The following ABLIM3 variants were observed in gnomAD, a reference collection of about 807,000 sequenced individuals.
ABLIM3 encodes actin-binding LIM protein 3.
A neutral mutation model predicts 109.5 loss-of-function variants in ABLIM3; 61 were observed. The ratio of observed to expected loss-of-function variants is 0.56; its 90% CI spans 0.45 to 0.69. ABLIM3 has a LOEUF of 0.69. Ranked by LOEUF, ABLIM3 falls within the 30% of genes least tolerant of loss-of-function variation. The probability of loss-of-function intolerance (pLI) is 0.00; values close to 1 mark genes in which losing one functional copy is unlikely to be tolerated. For missense variants in ABLIM3, 796 were observed against 889.5 expected, an observed-to-expected ratio of 0.89 and a Z score of 1.34; for synonymous variants, 300 against 324.8, an observed-to-expected ratio of 0.92 and a Z score of 0.82.
At chr5:149,233,097 A>C (rs1453986061) in intron 9 of ABLIM3, 132 bp from the exon 10 acceptor site, 1 of 783,574 alleles carries the variant, frequency 1.3e-6, no homozygotes, top group Non-Finnish European at 2.2e-6. Flanking sequence ...AGAGAATAAA[A>C]AGGAAGTACA....
At chr5:149,252,346 AC>A (rs1252881889) in intron 22 of ABLIM3, 138 bp downstream of exon 22, 3 of 917,970 alleles carry the variant, frequency 3.3e-6, no homozygotes, top group African/African-American at 1.7e-5. Flanking sequence ...TTCAAGACCA[AC>A]ATTTCCTGTC....
chr5:149,144,480 G>A (rs1752746858), intron 2 of ABLIM3, among the ~76,000 whole-genome samples: 1 of 152,200 alleles, frequency 6.6e-6, no homozygotes, highest in South Asian at 2.1e-4. Context: ...CCTTTGAGAT[G>A]TGAAATTCTT....
At chr5:149,179,720 G>T (rs1278540053) in intron 2 of ABLIM3, among the ~76,000 whole-genome samples, 2 of 151,738 alleles carry the variant, frequency 1.3e-5, no homozygotes, top group African/African-American at 4.8e-5. Flanking sequence ...TAACTATCAG[G>T]CTGTACTGTC....
intron 2 of ABLIM3, among the ~76,000 whole-genome samples, chr5:149,171,163 A>G (rs1755380006): frequency 6.6e-6 from 1 of 152,210 alleles, no homozygotes; most frequent in African/African-American, 2.4e-5. Context: ...TGCCTATAGT[A>G]CTGGACTTAG....
intron 2 of ABLIM3, among the ~76,000 whole-genome samples, chr5:149,144,180 T>G (rs1752722644): frequency 6.6e-6 from 1 of 152,112 alleles, no homozygotes; most frequent in South Asian, 2.1e-4. Flanking sequence ...TGTGTGAATT[T>G]TGCAGTAATG....
At chr5:149,250,300 A>G in intron 19 of ABLIM3, 147 bp from the exon 20 acceptor site, 2 of 722,534 alleles carry the variant, frequency 2.8e-6, no homozygotes, top group Non-Finnish European at 2.4e-6. Flanking sequence ...GCAAATCTGG[A>G]GAGCATCAGG....
chr5:149,221,481 G>A (rs888780906), intron 8 of ABLIM3, among the ~76,000 whole-genome samples: 1 of 152,208 alleles, frequency 6.6e-6, no homozygotes, highest in Admixed American at 6.5e-5. Flanking sequence ...TAATTGCTAT[G>A]TGATGGCTTT....
chr5:149,174,951 A>G (rs1474389713), intron 2 of ABLIM3, among the ~76,000 whole-genome samples: 1 of 152,228 alleles, frequency 6.6e-6, no homozygotes, highest in Non-Finnish European at 1.5e-5. Context: ...TGCCTGGCAC[A>G]TAGTGATTGC....
At chr5:149,170,228 T>TCTCTC (rs1750368216) in intron 2 of ABLIM3, among the ~76,000 whole-genome samples, 3 of 124,604 alleles carry the variant, frequency 2.4e-5, no homozygotes, top group African/African-American at 3.1e-5. Context: ...AGGGTTCTGT[T>TCTCTC]TCTCTCTCTC....
chr5:149,184,456 G>A (rs932458779), intron 3 of ABLIM3, among the ~76,000 whole-genome samples: 1 of 152,294 alleles, frequency 6.6e-6, no homozygotes, highest in Non-Finnish European at 1.5e-5. Context: ...CTGCTCTTCA[G>A]ATACTTGTAT....
intron 18 of ABLIM3, among the ~76,000 whole-genome samples, chr5:149,249,395 C>T (rs1270161766): frequency 1.3e-5 from 2 of 152,202 alleles, no homozygotes; most frequent in Non-Finnish European, 2.9e-5. Flanking sequence ...AAAACCAAAG[C>T]GTGATTAATT....
chr5:149,180,533 C>G (rs1273768270), intron 2 of ABLIM3, among the ~76,000 whole-genome samples: 2 of 152,232 alleles, frequency 1.3e-5, no homozygotes, highest in East Asian at 1.9e-4. Flanking sequence ...GCATGAGGAA[C>G]AGTCTTGCCA....
intron 2 of ABLIM3, among the ~76,000 whole-genome samples, chr5:149,170,228 TTCTCTCTCTC>T (rs10644957): frequency 1.4e-4 from 18 of 124,662 alleles, no homozygotes; most frequent in East Asian, 2.6e-4. Flanking sequence ...AGGGTTCTGT[TTCTCTCTCTC>T]TCTCTCTCTC....
At chr5:149,205,665 A>G (rs1758895742) in intron 5 of ABLIM3, among the ~76,000 whole-genome samples, 1 of 152,224 alleles carries the variant, frequency 6.6e-6, no homozygotes, top group African/African-American at 2.4e-5. Context: ...GAGAATAGAA[A>G]GGAAGAGAGA....
At chr5:149,257,746 T>A (rs535938665) in intron 23 of ABLIM3, among the ~76,000 whole-genome samples, 5 of 152,348 alleles carry the variant, frequency 3.3e-5, no homozygotes, top group African/African-American at 1.2e-4. Flanking sequence ...TAAAGCATAT[T>A]TGTTTTCATA....
intron 2 of ABLIM3, among the ~76,000 whole-genome samples, chr5:149,179,081 C>T (rs1307399366): frequency 1.3e-5 from 2 of 152,172 alleles, no homozygotes; most frequent in African/African-American, 2.4e-5. Context: ...TGCTCCTTTT[C>T]ATTTACCCGG....
chr5:149,198,356 C>A lies in ABLIM3; in HGVS notation c.289C>A (p.Leu97Met). The A allele has an allele frequency of 6.2e-7, 1 of 1,613,932 alleles. No homozygotes were observed. Among genetic ancestry groups the A allele is most frequent in the Non-Finnish European group, 8.5e-7 (1 of 1,179,886 alleles). ...CATCACAGGCGAAGTCATCTCGGCC[C>A]TGGGCCGCACTTACCACCCCAAGTG... ...DFITGEVISA[L>M]GRTYHPKCFV... Residue 97 changes from leucine to methionine, a missense_variant, in exon 4 of 24, where the codon CTG (leucine) becomes ATG (methionine). Coordinates refer to ENST00000309868, the MANE Select transcript of ABLIM3 (RefSeq NM_014945.5). The surrounding 1 kb of genome is among the most constrained non-coding windows in gnomAD (Gnocchi z 4.2).
chr5:149,168,307 T>C (rs1337192434), intron 2 of ABLIM3, among the ~76,000 whole-genome samples: 3 of 152,124 alleles, frequency 2.0e-5, no homozygotes, highest in Non-Finnish European at 4.4e-5. Flanking sequence ...GGCTTGGTAA[T>C]GAGTAGGCCA....
intron 3 of ABLIM3, among the ~76,000 whole-genome samples, chr5:149,192,338 A>G (rs1030187415): frequency 2.6e-5 from 4 of 152,168 alleles, no homozygotes; most frequent in Non-Finnish European, 4.4e-5. Flanking sequence ...AAAAGAACCC[A>G]TTGGTCACTT....
Sources: allele counts gnomAD v4.1 joint callset (sites outside exome capture counted in the v4.1 genomes callset), GRCh38; gene constraint gnomAD v4.1.1; non-coding constraint Gnocchi (gnomAD v3.1); transcripts MANE v1.5; gene names NCBI Gene and HGNC (gene_info 2026-07-23, HGNC 2026-07-21).